EFHB: variants seen among roughly 807,000 people sequenced by gnomAD.
EFHB encodes EF-hand domain family member B.
Under a neutral mutation model 87.2 loss-of-function variants are expected in EFHB, and 91 were observed. The ratio of observed to expected loss-of-function variants is 1.04; its 90% CI spans 0.88 to 1.24. The LOEUF is 1.24. Ranked by LOEUF, EFHB falls within the 50% of genes most tolerant of loss-of-function variation. The pLI, the probability that EFHB is intolerant of heterozygous loss-of-function variation, is 0.00. For synonymous variants in EFHB, 325 were observed against 333.6 expected (o/e 0.97, Z 0.28); for missense variants, 1,084 against 998.8 (o/e 1.09, Z -1.15).
chr3:19,939,929 T>C (rs1412611575), intron 1 of EFHB, among the ~76,000 whole-genome samples: 1 of 152,212 alleles, frequency 6.6e-6, no homozygotes, highest in Non-Finnish European at 1.5e-5. Context: ...CTTAGTGTTA[T>C]AGATTTGATT....
In EFHB at chr3:19,931,567, G is replaced by A. The variant is rs80296966; in HGVS notation, c.789+1663C>T. ...TGAAGGGGAAAAGTCTTCAAACCCA[G>A]ACAAAATTCTGTGGAAGCCCTGTGA... is the stretch of plus-strand genomic sequence containing the variant. On this transcript the variant is annotated intron_variant, in intron 1 of 12. Transcript: ENST00000295824. Among the ~76,000 whole-genome samples the A allele has an allele frequency of 4.8e-3, 730 of 152,276 alleles. 12 individuals carry two copies. In the East Asian group the frequency reaches 0.061, roughly 13 times the overall value.
At chr3:19,936,288 G>A (rs994695408), upstream of EFHB, 18 of 633,772 alleles carry the variant, frequency 2.8e-5, no homozygotes, top group Non-Finnish European at 4.0e-5. Flanking sequence ...AGGTCTATGC[G>A]GCAGTGAGCC....
chr3:19,908,562 AAGAGAGAGAGAGAGAGAG>A (rs71624361), intron 5 of EFHB, among the ~76,000 whole-genome samples: 11 of 83,818 alleles, frequency 1.3e-4, no homozygotes, highest in African/African-American at 5.4e-4. Flanking sequence ...GAAAGAGAGA[AAGAGAGAGAGAGAGAGAG>A]AGAGAGAGAG....
chr3:19,932,065 A>G (rs191564948), intron 1 of EFHB, among the ~76,000 whole-genome samples: 1 of 152,356 alleles, frequency 6.6e-6, no homozygotes, highest in Admixed American at 6.5e-5. Flanking sequence ...ATCATTATCA[A>G]CACAGAAACT....
intron 10 of EFHB, among the ~76,000 whole-genome samples, chr3:19,886,425 C>T (rs1906130): frequency 0.41 from 61,949 of 151,924 alleles, 13,456 homozygotes; most frequent in African/African-American, 0.55. Flanking sequence ...TTTTAAAAAG[C>T]TGAACCTCTA....
intron 9 of EFHB, chr3:19,894,989 A>AAAAAAAAT (rs369564576): frequency 6.9e-6 from 1 of 144,524 alleles, no homozygotes; most frequent in African/African-American, 2.6e-5. Flanking sequence ...TGTCTCAAAA[A>AAAAAAAAT]ATATATATAT....
At chr3:19,912,671 T>C (rs1695102586) in intron 5 of EFHB, among the ~76,000 whole-genome samples, 1 of 152,066 alleles carries the variant, frequency 6.6e-6, no homozygotes, top group Admixed American at 6.6e-5. Context: ...TTTCAAGACA[T>C]AGAGATTATA....
intron 8 of EFHB, among the ~76,000 whole-genome samples, chr3:19,897,212 T>A (rs1029885020): frequency 6.6e-6 from 1 of 152,204 alleles, no homozygotes; most frequent in South Asian, 2.1e-4. Flanking sequence ...TGATTCCAGG[T>A]GGGGACCACT....
At chr3:19,929,135 T>C (rs969226361) in intron 1 of EFHB, among the ~76,000 whole-genome samples, 11 of 152,160 alleles carry the variant, frequency 7.2e-5, no homozygotes, top group African/African-American at 2.4e-4. Context: ...AAAAGATCCA[T>C]GCTTTTGGCT....
At chr3:19,888,754 A>C (rs1283654352) in intron 9 of EFHB, 103 bp from the exon 10 acceptor site, 3 of 980,628 alleles carry the variant, frequency 3.1e-6, no homozygotes, top group Admixed American at 2.7e-5. Flanking sequence ...TCATCACATA[A>C]ATTCAAATTT....
At chr3:19,941,220 G>C (rs1257694097) in intron 1 of EFHB, 1 of 333,428 alleles carries the variant, frequency 3.0e-6, no homozygotes, top group African/African-American at 2.2e-5. Flanking sequence ...TGTCTTGAAG[G>C]GCTTTCTCTA....
At chr3:19,882,807 G>T in intron 11 of EFHB, 76 bp from the exon 12 acceptor site, 1 of 1,266,546 alleles carries the variant, frequency 7.9e-7, no homozygotes, top group Non-Finnish European at 1.1e-6. Context: ...AGTCACATGT[G>T]CATACTGAGC....
chr3:19,890,168 GT>G (rs1332913717), intron 9 of EFHB, among the ~76,000 whole-genome samples: 1 of 152,168 alleles, frequency 6.6e-6, no homozygotes, highest in African/African-American at 2.4e-5. Context: ...CTGGTGGTTT[GT>G]TTCATGGAGC....
intron 9 of EFHB, among the ~76,000 whole-genome samples, chr3:19,892,426 A>G (rs538120661): frequency 1.9e-4 from 29 of 152,296 alleles, no homozygotes; most frequent in Non-Finnish European, 3.1e-4. Flanking sequence ...TTCCTGAATA[A>G]TAATCAGAAT....
At chr3:19,943,254 G>GA in intron 1 of EFHB, 1 of 265,044 alleles carries the variant, frequency 3.8e-6, no homozygotes, top group South Asian at 5.2e-5. Flanking sequence ...TTACATGCTG[G>GA]AAAACACCCA....
At chr3:19,943,145 G>T in intron 1 of EFHB, 1 of 245,520 alleles carries the variant, frequency 4.1e-6, no homozygotes, top group South Asian at 6.3e-5. Flanking sequence ...ATTGCAACTT[G>T]ATTCTTTGTG....
intron 9 of EFHB, among the ~76,000 whole-genome samples, chr3:19,889,614 G>A (rs1694236091): frequency 6.6e-6 from 1 of 152,180 alleles, no homozygotes. Context: ...CTTGCAGTCA[G>A]ACCCACAGCC....
rs79524909 is a variant in EFHB, at chr3:19,931,775, T to C, written c.789+1455A>G. 5.7e-3 allele frequency among the ~76,000 whole-genome samples: 871 copies of C among 152,316 alleles called. 6 individuals carry two copies. Among genetic ancestry groups the C allele is most frequent in the African/African-American group, 0.02 (849 of 41,568 alleles). On this transcript the variant is annotated intron_variant, in intron 1 of 12. Coordinates refer to ENST00000295824, the MANE Select transcript of EFHB (RefSeq NM_144715.4). ...CTTCTATTTATCAAACATGTATTTA[T>C]TGAATGACCACCATAAGCCAGGTAT... is the stretch of plus-strand genomic sequence containing the variant.
chr3:19,880,254 A>ATTTATTTATTTC (rs2071640691), intron 12 of EFHB, among the ~76,000 whole-genome samples: 4 of 133,884 alleles, frequency 3.0e-5, no homozygotes, highest in Admixed American at 2.9e-4. Context: ...TTATTTATTT[A>ATTTATTTATTTC]TTTATTTATT....
Sources: allele counts gnomAD v4.1 joint callset (sites outside exome capture counted in the v4.1 genomes callset), GRCh38; gene constraint gnomAD v4.1.1; transcripts MANE v1.5; gene names NCBI Gene and HGNC (gene_info 2026-07-23, HGNC 2026-07-21).